TRIP12: variants seen among roughly 807,000 people sequenced by gnomAD.
TRIP12 encodes thyroid hormone receptor interactor 12.
A neutral mutation model predicts 244.2 loss-of-function variants in TRIP12; 25 were observed. The ratio of observed to expected loss-of-function variants is 0.10; its 90% CI spans 0.07 to 0.14. The LOEUF (loss-of-function observed/expected upper bound fraction) is 0.14, where lower values mean the gene tolerates loss of function less well. TRIP12 is among the 10% of genes least tolerant of loss of function. The pLI, the probability that TRIP12 is intolerant of heterozygous loss-of-function variation, is 1.00. For missense variants in TRIP12, 1,677 were observed against 2,486.4 expected (o/e 0.67, Z 6.92); for synonymous variants, 905 against 873.1 (o/e 1.04, Z -0.64).
At chr2:229,874,698 C>A (rs188429253) in intron 2 of TRIP12, among the ~76,000 whole-genome samples, 2 of 151,864 alleles carry the variant, frequency 1.3e-5, no homozygotes, top group African/African-American at 4.8e-5. Context: ...AGAAGCTACA[C>A]GTATAGAAAA....
intron 34 of TRIP12, among the ~76,000 whole-genome samples, chr2:229,783,530 C>T (rs546796872): frequency 1.3e-5 from 2 of 152,180 alleles, no homozygotes; most frequent in African/African-American, 4.8e-5. Flanking sequence ...AGAACAGTAT[C>T]ATTTTCAGCT....
At chr2:229,917,206 C>G (rs1043971694) in intron 1 of TRIP12, among the ~76,000 whole-genome samples, 7 of 151,624 alleles carry the variant, frequency 4.6e-5, no homozygotes, top group African/African-American at 1.7e-4. Flanking sequence ...AGGTGAAACC[C>G]CATCTCTACT....
chr2:229,791,290 T>A (rs201767782), intron 29 of TRIP12, 39 bp from the exon 30 acceptor site: 1 of 1,609,866 alleles, frequency 6.2e-7, no homozygotes, highest in Middle Eastern at 1.6e-4. Context: ...AATGTAGATT[T>A]TGAAACTGAT....
At chr2:229,803,208 C>T (rs575049705) in intron 20 of TRIP12, among the ~76,000 whole-genome samples, 5 of 152,322 alleles carry the variant, frequency 3.3e-5, no homozygotes, top group South Asian at 2.1e-4. Context: ...TGTAATCCCA[C>T]GCTGAGGCAG....
Position 229,767,361 on chromosome 2 carries a change from T to C in TRIP12, c.*193A>G. ...AAAGAAACCTCATCACAACAACGTT[T>C]TAGGGCCTGATCACTTTAAGTCCAT... On this transcript the variant is annotated 3_prime_UTR_variant, in exon 42 of 42. Transcript: ENST00000675903. 4.1e-6 allele frequency: 2 copies of C among 482,604 alleles called. No individual in the cohort carries two copies. The highest frequency in any genetic ancestry group is 3.5e-5 in the East Asian group (1 of 28,778). The allele number at this position is 482,604 out of a possible 1,614,324, so 29.9% of individuals were successfully genotyped here.
intron 20 of TRIP12, among the ~76,000 whole-genome samples, chr2:229,803,233 G>T (rs919827590): frequency 1.3e-5 from 2 of 152,162 alleles, no homozygotes; most frequent in African/African-American, 4.8e-5. Context: ...ATTGCTTGAG[G>T]CAAGGAGTTT....
In TRIP12 at chr2:229,785,677, C is replaced by G. The variant is rs541730409; in HGVS notation, c.5094+80G>C. 9.8e-5 allele frequency: 129 copies of G among 1,315,710 alleles called. No homozygotes were observed. The African/African-American group carries it at 1.8e-3, about 18-fold the overall frequency. 81.5% of individuals were successfully genotyped at this position (1,315,710 alleles called of 1,614,324 possible). A position where few individuals can be genotyped will look rare whatever the true frequency, so the allele number is the denominator to read the frequency against. ...GTCTCCCAACTGTCTTTCAGAATTT[C>G]ATAGTACCAAGAAACTCAAATAACA... On this transcript the variant is annotated intron_variant, in intron 34 of 41. Transcript: ENST00000675903.
chr2:229,883,392 A>G (rs775960665), intron 1 of TRIP12, among the ~76,000 whole-genome samples: 1 of 152,226 alleles, frequency 6.6e-6, no homozygotes, highest in African/African-American at 2.4e-5. Flanking sequence ...TGTCTACCAT[A>G]TATTACTTAA....
chr2:229,807,705 T>C lies in TRIP12; in HGVS notation c.2496+3A>G, dbSNP rs750867143. 1.2e-6 allele frequency: 2 copies of C among 1,614,020 alleles called. No homozygotes were observed. Among genetic ancestry groups the C allele is most frequent in the East Asian group, 2.2e-5 (1 of 44,890 alleles). ...CATTTAAACGGTACGATGAAACTAC[T>C]ACCTCAATGATCCGGCTGTCAATCC... is the stretch of plus-strand genomic sequence containing the variant. On this transcript the variant is annotated splice_donor_region_variant and intron_variant, in intron 17 of 41. Coordinates refer to ENST00000675903, the MANE Select transcript of TRIP12 (RefSeq NM_001348323.3).
chr2:229,884,506 C>T (rs902422767), intron 1 of TRIP12, among the ~76,000 whole-genome samples: 31 of 152,088 alleles, frequency 2.0e-4, no homozygotes, highest in African/African-American at 7.5e-4. Context: ...CAAAGTACTG[C>T]AATTACAGGC....
At position 229,810,976 on chromosome 2, in the gene TRIP12, G is replaced by C. The variant is rs142112688; in HGVS notation, c.2125C>G (p.Pro709Ala). ...NVQQLLVVTP[P>A]ILSSGMFIMV... ...ATAAACATCCCAGAACTTAAAATGG[G>C]TGGAGTCACTACCAACAGCTGTTGA... Residue 709 changes from proline to alanine, a missense_variant, in exon 15 of 42, where the codon CCC becomes GCC. By Grantham distance (27) the Pro-to-Ala change is conservative (BLOSUM62 -1). Transcript: ENST00000675903. The C allele has an allele frequency of 1.2e-6, 2 of 1,614,056 alleles. No individual in the cohort carries two copies. The highest frequency in any genetic ancestry group is 2.2e-5 in the South Asian group (2 of 91,070).
In TRIP12 at chr2:229,860,480, T is replaced by C. The variant is rs530210898; in HGVS notation, c.150A>G (p.Arg50=). The change falls in exon 3 of 42, where the codon AGA becomes AGG. Residue 50 remains arginine, a synonymous_variant. Transcript: ENST00000675903. The part of the protein sequence containing the change: ...KHKGYSPPES[R]KSNSKAPKVQ... ...CTTTGGGTGCCTTAGAATTAGATTT[T>C]CTACTCTCAGGAGGGCTATATCCCT... The C allele has an allele frequency of 6.2e-7, 1 of 1,612,150 alleles. No homozygotes were observed. The highest frequency in any genetic ancestry group is 1.7e-5 in the Admixed American group (1 of 59,990).
chr2:229,921,550 C>T (rs1276165193), intron 1 of TRIP12: 1 of 152,266 alleles, frequency 6.6e-6, no homozygotes, highest in African/African-American at 2.4e-5. Context: ...CTCCCCAACA[C>T]CCGCAAGCCT....
rs1456183085 is a variant in TRIP12, at chr2:229,808,144, T to C, written c.2339+108A>G. The stretch of plus-strand genomic sequence containing the variant: ...ACTACGCCCAGGTAATTTTTTGTAT[T>C]TTTAGTAGAGACGGGTTTTCATCAT... On this transcript the variant is annotated intron_variant, in intron 16 of 41. Coordinates refer to ENST00000675903, the MANE Select transcript of TRIP12 (RefSeq NM_001348323.3). 14 of 869,742 alleles carry C rather than the reference T, an allele frequency of 1.6e-5. No homozygotes were observed. In the Admixed American group the frequency reaches 3.2e-4, roughly 20 times the overall value. 53.9% of individuals were successfully genotyped at this position (869,742 alleles called of 1,614,324 possible).
At chr2:229,896,870 G>A (rs2068985241) in intron 1 of TRIP12, among the ~76,000 whole-genome samples, 1 of 152,102 alleles carries the variant, frequency 6.6e-6, no homozygotes, top group Admixed American at 6.6e-5. Context: ...CTTTTAGGGT[G>A]GTAAAAATTA....
intron 33 of TRIP12, among the ~76,000 whole-genome samples, chr2:229,786,564 A>ATTTTTTTTTTT (rs34969936): frequency 6.4e-5 from 5 of 78,008 alleles, no homozygotes; most frequent in Non-Finnish European, 6.8e-5. Flanking sequence ...CGCCCAGATA[A>ATTTTTTTTTTT]TTTTTTTTTT....
At chr2:229,900,862 TA>T (rs774208884) in intron 1 of TRIP12, 550 of 140,140 alleles carry the variant, frequency 3.9e-3, no homozygotes, top group Non-Finnish European at 3.9e-3. Context: ...ACTCTGTCTT[TA>T]AAAAAAAAAA....
At chr2:229,913,850 C>T (rs1324438235) in intron 1 of TRIP12, among the ~76,000 whole-genome samples, 1 of 152,040 alleles carries the variant, frequency 6.6e-6, no homozygotes, top group African/African-American at 2.4e-5. Context: ...ATGTAAACAA[C>T]TAATTATGTA....
intron 2 of TRIP12, among the ~76,000 whole-genome samples, chr2:229,867,357 G>A (rs548460793): frequency 9.9e-5 from 15 of 152,022 alleles, no homozygotes; most frequent in African/African-American, 3.6e-4. Context: ...GTAAAGATGG[G>A]ATTTCACTAT....
Sources: gnomAD v4.1 joint callset for allele counts (sites outside exome capture counted in the v4.1 genomes callset) on GRCh38, gnomAD v4.1.1 for gene constraint, MANE v1.5 for transcripts, NCBI Gene and HGNC (gene_info 2026-07-23, HGNC 2026-07-21) for gene names.